LYZL6: variants seen among roughly 807,000 people sequenced by gnomAD.
The protein encoded by LYZL6 is lysozyme like 6.
In LYZL6, 21 loss-of-function variants were observed where a neutral mutation model predicts 15.0. The observed-to-expected ratio is 1.40, with a 90% CI of 1.00 to 2.02. The LOEUF (loss-of-function observed/expected upper bound fraction) is 2.02. LYZL6 is among the 30% of genes most tolerant of loss of function. LYZL6 has a pLI of 0.00. For missense variants in LYZL6, 173 were observed against 180.5 expected, an observed-to-expected ratio of 0.96 and a Z score of 0.24; for synonymous variants, 72 against 67.8, an observed-to-expected ratio of 1.06 and a Z score of -0.31.
Position 35,936,812 on chromosome 17 carries a change from A to C in LYZL6, c.320T>G (p.Leu107Arg), listed in dbSNP as rs763048861. The C allele has an allele frequency of 6.2e-7, 1 of 1,613,744 alleles. No individual in the cohort carries two copies. The highest frequency in any genetic ancestry group is 1.3e-5 in the African/African-American group (1 of 74,926). ...CCTTTTTGCGCAGTGGATGCCTGCA[A>C]GAAGGTTGGGATTCAGCAGATCTGA... ...DCQDLLNPNL[L>R]AGIHCAKRIV... Residue 107 changes from leucine (L) to arginine (R), a missense_variant, in exon 4 of 5, where the codon CTT becomes CGT. Coordinates refer to ENST00000615905, the MANE Select transcript of LYZL6 (RefSeq NM_020426.4).
At chr17:35,939,880 G>A (rs1439223818) in intron 1 of LYZL6, among the ~76,000 whole-genome samples, 2 of 152,170 alleles carry the variant, frequency 1.3e-5, no homozygotes, top group Non-Finnish European at 2.9e-5. Context: ...AGTGAGGTTG[G>A]CAAAGGAGAT....
rs556586422 is a variant in LYZL6, at chr17:35,937,971, G to A, written c.140-55C>T. On this transcript the variant is annotated intron_variant, in intron 2 of 4. Transcript: ENST00000615905. ...TAGAGGGGACCAAGCTGAGTGAGAA[G>A]GGAGATGGAGGAGAAAGGGAGGCAA... 8 of 1,556,722 alleles carry A rather than the reference G, an allele frequency of 5.1e-6. No homozygotes were observed. In the African/African-American group the frequency reaches 1.1e-4, roughly 21 times the overall value.
chr17:35,939,434 G>A lies in LYZL6; in HGVS notation c.-78C>T, dbSNP rs992763059. 6.7e-7 allele frequency: 1 copy of A among 1,484,678 alleles called. No individual in the cohort carries two copies. The highest frequency in any genetic ancestry group is 9.2e-7 in the Non-Finnish European group (1 of 1,088,360). 92.0% of individuals were successfully genotyped at this position (1,484,678 alleles called of 1,614,324 possible). ...GACTTTCTGCTGATCTTCTCTGAGA[G>A]CCTGGGGAATCTGGAGAGGGCAGCC... On this transcript the variant is annotated 5_prime_UTR_variant, in exon 2 of 5. Transcript: ENST00000615905.
intron 1 of LYZL6, among the ~76,000 whole-genome samples, chr17:35,943,016 A>G (rs76939457): frequency 0.074 from 11,312 of 152,176 alleles, 545 homozygotes; most frequent in East Asian, 0.15. Flanking sequence ...ATCGGGCTCT[A>G]GGAGGATAAG....
chr17:35,937,674 C>T, intron 3 of LYZL6, 84 bp downstream of exon 3: 1 of 1,478,336 alleles, frequency 6.8e-7, no homozygotes, highest in Non-Finnish European at 9.2e-7. Flanking sequence ...GGGGCCATTC[C>T]CAGGCTGTGG....
At chr17:35,934,966 A>C in intron 4 of LYZL6, 101 bp from the exon 5 acceptor site, 1 of 1,054,508 alleles carries the variant, frequency 9.5e-7, no homozygotes, top group Non-Finnish European at 1.4e-6. Context: ...AACGCCCAGA[A>C]TCCCCGTCAT....
intron 3 of LYZL6, 115 bp from the exon 4 acceptor site, chr17:35,936,948 A>T: frequency 2.3e-6 from 2 of 856,344 alleles, no homozygotes; most frequent in Non-Finnish European, 3.8e-6. Context: ...CAGTTGAGGC[A>T]AAGGCTGTCT....
chr17:35,938,135 G>T (rs183999699), intron 2 of LYZL6, among the ~76,000 whole-genome samples: 106 of 152,318 alleles, frequency 7.0e-4, no homozygotes, highest in Non-Finnish European at 1.3e-3. Flanking sequence ...CTATTCATGT[G>T]TTTTGCACTT....
chr17:35,934,870 G>A lies in LYZL6; in HGVS notation c.378-5C>T, dbSNP rs748963687. On this transcript the variant is annotated splice_region_variant and splice_polypyrimidine_tract_variant and intron_variant, in intron 4 of 4. Transcript: ENST00000615905. ...CAGTGCAACCTCCATTCTACCCTGC[G>A]GAGAAAAAAGACATGGTTCTTGCCT... 55 of 1,613,844 alleles carry A rather than the reference G, an allele frequency of 3.4e-5. No individual in the cohort carries two copies. Among genetic ancestry groups the A allele is most frequent in the South Asian group, 2.3e-4 (21 of 91,040 alleles).
chr17:35,936,129 A>C (rs2089370621), intron 4 of LYZL6, among the ~76,000 whole-genome samples: 1 of 152,156 alleles, frequency 6.6e-6, no homozygotes, highest in African/African-American at 2.4e-5. Flanking sequence ...TTTTTAAATA[A>C]AAAAATATTG....
Position 35,937,799 on chromosome 17 carries a change from T to C in LYZL6, c.257A>G (p.Tyr86Cys), listed in dbSNP as rs768977731. ...GCAAAGGTTTTCCGAGTAACTCTTA[T>C]AATCGTTGCACCAGTAGTGGCTGTT... ...QINSHYWCNDYKSYSENLCHV... is the reference protein window; with the variant it reads ...QINSHYWCNDCKSYSENLCHV... Residue 86 changes from tyrosine (Y) to cysteine (C), a missense_variant, in exon 3 of 5, where the codon TAT becomes TGT. Coordinates refer to ENST00000615905, the MANE Select transcript of LYZL6 (RefSeq NM_020426.4). 5.0e-6 allele frequency: 8 copies of C among 1,614,084 alleles called. No homozygotes were observed. Among genetic ancestry groups the C allele is most frequent in the Admixed American group, 1.7e-5 (1 of 60,012 alleles).
At chr17:35,937,272 A>T (rs574460069) in intron 3 of LYZL6, among the ~76,000 whole-genome samples, 146 of 152,244 alleles carry the variant, frequency 9.6e-4, no homozygotes, top group African/African-American at 3.4e-3. Context: ...ATCAGCTCTG[A>T]GGTAGGGAGT....
At chr17:35,942,814 T>C (rs765576844) in intron 1 of LYZL6, among the ~76,000 whole-genome samples, 3 of 151,966 alleles carry the variant, frequency 2.0e-5, no homozygotes, top group African/African-American at 7.3e-5. Flanking sequence ...CGCGCTAAGA[T>C]AGGGAAGCTA....
At position 35,937,613 on chromosome 17, in the gene LYZL6, C is replaced by T. The variant is rs902452558; in HGVS notation, c.298+145G>A. On this transcript the variant is annotated intron_variant, in intron 3 of 4. Coordinates refer to ENST00000615905, the MANE Select transcript of LYZL6 (RefSeq NM_020426.4). ...CTGGATGGGCATTAGGGACACTACT[C>T]CAGCCCTCTGCTCAGTAAAGGGATT... 5.8e-5 allele frequency: 50 copies of T among 866,634 alleles called. No individual in the cohort carries two copies. The African/African-American group carries it at 6.8e-4, about 12-fold the overall frequency. 53.7% of individuals were successfully genotyped at this position (866,634 alleles called of 1,614,324 possible).
At chr17:35,942,283 G>A (rs2089429810) in intron 1 of LYZL6, among the ~76,000 whole-genome samples, 1 of 152,124 alleles carries the variant, frequency 6.6e-6, no homozygotes, top group Non-Finnish European at 1.5e-5. Context: ...GAAACAGCAA[G>A]ACCTCATCTC....
chr17:35,937,727 C>A lies in LYZL6; in HGVS notation c.298+31G>T, dbSNP rs202113607. ...GTGAGCAGAGCCTGGTTGCTGCTCT[C>A]ATCTCTCCCACCCTGGGGCCCTGGC... On this transcript the variant is annotated intron_variant, in intron 3 of 4. Transcript: ENST00000615905. 7 of 1,603,514 alleles carry A rather than the reference C, an allele frequency of 4.4e-6. No homozygotes were observed. The South Asian group carries it at 6.6e-5, about 15-fold the overall frequency.
In LYZL6 at chr17:35,941,701, A is replaced by G. The variant is rs76399772; in HGVS notation, c.-203+1866T>C. ...AAGATACATTGTGTGGAGCTGAAGCAGAGACCTCTTCCTGACAATAAAAGG... is the reference window on the plus strand; with the variant it reads ...AAGATACATTGTGTGGAGCTGAAGCGGAGACCTCTTCCTGACAATAAAAGG... On this transcript the variant is annotated intron_variant, in intron 1 of 4. Coordinates refer to ENST00000615905, the MANE Select transcript of LYZL6 (RefSeq NM_020426.4). Among the ~76,000 whole-genome samples, 762 of 152,334 alleles carry G rather than the reference A, an allele frequency of 5.0e-3. 3 individuals carry two copies. Among genetic ancestry groups the G allele is most frequent in the African/African-American group, 0.017 (715 of 41,568 alleles).
chr17:35,942,048 T>C (rs1446937139), intron 1 of LYZL6, among the ~76,000 whole-genome samples: 1 of 152,016 alleles, frequency 6.6e-6, no homozygotes, highest in Admixed American at 6.6e-5. Context: ...ACATCGCTTA[T>C]GCAATATTCC....
At chr17:35,942,571 T>C (rs900875315) in intron 1 of LYZL6, among the ~76,000 whole-genome samples, 2 of 152,164 alleles carry the variant, frequency 1.3e-5, no homozygotes, top group African/African-American at 2.4e-5. Context: ...CAGAAAACTT[T>C]CCTTTTAACG....
Sources: gnomAD v4.1 joint callset for allele counts (sites outside exome capture counted in the v4.1 genomes callset) on GRCh38, gnomAD v4.1.1 for gene constraint, MANE v1.5 for transcripts, NCBI Gene and HGNC (gene_info 2026-07-23, HGNC 2026-07-21) for gene names.